Variants in SKOR2 observed in about 807,000 individuals in gnomAD.
SKOR2 encodes SKI family transcriptional corepressor 2.
A neutral mutation model predicts 69.1 loss-of-function variants in SKOR2; 47 were observed. That is an observed-to-expected ratio of 0.68 (90% confidence interval 0.54 to 0.87). SKOR2 has a LOEUF of 0.87. Among genes scored for constraint, SKOR2 ranks in the 40% least tolerant of loss-of-function variants. The pLI, the probability that SKOR2 is intolerant of heterozygous loss-of-function variation, is 0.00. For synonymous variants in SKOR2, 717 were observed against 672.6 expected (o/e 1.07, Z -1.02); for missense variants, 1,404 against 1,472.2 (o/e 0.95, Z 0.76).
At chr18:47,227,898 G>C (rs2064184277) in intron 6 of SKOR2, among the ~76,000 whole-genome samples, 1 of 152,264 alleles carries the variant, frequency 6.6e-6, no homozygotes, top group East Asian at 1.9e-4. Flanking sequence ...GTCGATTTTT[G>C]AGCCTAGATT....
chr18:47,229,667 A>T (rs929824141), intron 6 of SKOR2, among the ~76,000 whole-genome samples: 7 of 152,178 alleles, frequency 4.6e-5, no homozygotes, highest in African/African-American at 1.7e-4. Flanking sequence ...AAGAAAAAAA[A>T]AATAAGTTTG....
intron 3 of SKOR2, 52 bp from the exon 4 acceptor site, chr18:47,245,034 C>A: frequency 6.8e-7 from 1 of 1,470,184 alleles, no homozygotes; most frequent in South Asian, 1.3e-5. Flanking sequence ...TGACAAGAGG[C>A]ACACAAAGAT....
rs1258382421 is a variant in SKOR2, at chr18:47,246,686, A to T, written c.2498T>A (p.Leu833Gln). The T allele has an allele frequency of 5.4e-6, 8 of 1,476,284 alleles. No individual in the cohort carries two copies. The highest frequency in any genetic ancestry group is 7.1e-6 in the Non-Finnish European group (8 of 1,125,648). 91.4% of individuals were successfully genotyped at this position (1,476,284 alleles called of 1,614,324 possible). Residue 833 changes from leucine to glutamine, a missense_variant, in exon 2 of 9, where the codon CTG becomes CAG. Coordinates refer to ENST00000425639, the MANE Select transcript of SKOR2 (RefSeq NM_001278063.4). ...CAGGGGCGGCGGCGGGGGCGGGGGC[A>T]GGTCCGAGCCGGGGTCCCCGAGTTT... ...DGKLGDPGSD[L>Q]PPPPPPPLAP...
At chr18:47,235,344 A>G (rs1240597347) in intron 4 of SKOR2, among the ~76,000 whole-genome samples, 1 of 152,152 alleles carries the variant, frequency 6.6e-6, no homozygotes, top group African/African-American at 2.4e-5. Context: ...TGGGTGACAG[A>G]GTGAGACCCT....
chr18:47,247,599 G>T lies in SKOR2; in HGVS notation c.1585C>A (p.Pro529Thr). 7.9e-7 allele frequency: 1 copy of T among 1,268,648 alleles called. No homozygotes were observed. Among genetic ancestry groups the T allele is most frequent in the South Asian group, 2.7e-5 (1 of 36,442 alleles). The allele number at this position is 1,268,648 out of a possible 1,614,324, so 78.6% of individuals were successfully genotyped here. Residue 529 changes from proline to threonine, a missense_variant, in exon 2 of 9, where the codon CCG becomes ACG. Coordinates refer to ENST00000425639, the MANE Select transcript of SKOR2 (RefSeq NM_001278063.4). The surrounding 1 kb of genome is among the most constrained non-coding windows in gnomAD (Gnocchi z 6.6). ...GCCACTACCTGCGGGGGCTGCCCCG[G>T]CGGGGGCGCGGCCTCGGCGCTCCCA... ...AAGSAEAAPP[P>T]GQPPQVVANG...
At chr18:47,235,609 G>C (rs2064218876) in intron 4 of SKOR2, among the ~76,000 whole-genome samples, 1 of 152,124 alleles carries the variant, frequency 6.6e-6, no homozygotes, top group Non-Finnish European at 1.5e-5. Context: ...TCCAACAGCA[G>C]TGGTTCCACA....
rs553394854 is a variant in SKOR2 at position 47,248,722 on chromosome 18, G to A, written c.462C>T (p.Gly154=). 6.4e-7 allele frequency: 1 copy of A among 1,555,426 alleles called. No individual in the cohort carries two copies. The highest frequency in any genetic ancestry group is 8.6e-7 in the Non-Finnish European group (1 of 1,156,806). Residue 154 remains glycine, a synonymous_variant, in exon 2 of 9, where the codon GGC becomes GGT. Coordinates refer to ENST00000425639, the MANE Select transcript of SKOR2 (RefSeq NM_001278063.4). This position sits in a 1 kb window ranked among gnomAD's most constrained non-coding sequence, Gnocchi z 6.4. ...GCGCGGGAATGAAGCTGCCGCGGCA[G>A]CCCCAGGCGCACTCGTGTGACACGT... ...AFDVSHECAW[G]CRGSFIPARY...
rs534449944 is a variant in SKOR2 at position 47,211,078 on chromosome 18, A to G, written c.*3+1008T>C. 2.2e-4 allele frequency among the ~76,000 whole-genome samples: 34 copies of G among 152,340 alleles called. 1 individual carries two copies. In the South Asian group the frequency reaches 6.6e-3, roughly 30 times the overall value. ...CTACTAATAAAGATAATGGCAAGAA[A>G]AGTCATTTGTACCTGATAGAGGAAA... is the stretch of plus-strand genomic sequence containing the variant. On this transcript the variant is annotated intron_variant, in intron 8 of 8. Transcript: ENST00000425639.
chr18:47,221,895 T>A (rs566875294), intron 6 of SKOR2, among the ~76,000 whole-genome samples: 1 of 152,320 alleles, frequency 6.6e-6, no homozygotes, highest in East Asian at 1.9e-4. Context: ...ACACACAGAA[T>A]TATCCACCAG....
intron 6 of SKOR2, among the ~76,000 whole-genome samples, chr18:47,224,950 A>G (rs1237415212): frequency 2.0e-5 from 3 of 152,082 alleles, no homozygotes; most frequent in African/African-American, 7.2e-5. Context: ...TTTCATAGCC[A>G]TCTTCTACTG....
chr18:47,234,688 C>A (rs2064214002), intron 4 of SKOR2: 1 of 151,980 alleles, frequency 6.6e-6, no homozygotes, highest in Non-Finnish European at 1.5e-5. Flanking sequence ...TGGTGAAACC[C>A]CATCTCTACT....
At position 47,246,672 on chromosome 18, in the gene SKOR2, G is replaced by C. The variant is rs932926761; in HGVS notation, c.2512C>G (p.Pro838Ala). Residue 838 changes from proline (P) to alanine (A), a missense_variant, in exon 2 of 9, where the codon CCG becomes GCG. By Grantham distance (27) the Pro-to-Ala change is conservative (BLOSUM62 -1). Around this residue, in one of 3 missense-constraint regions of SKOR2, gnomAD observed 1,266 missense variants for 1,309.9 expected, o/e 0.97. Transcript: ENST00000425639. ...DPGSDLPPPP[P>A]PPLAPQKASG... ...GCCTTCTGGGGGGCCAGGGGCGGCG[G>C]CGGGGGCGGGGGCAGGTCCGAGCCG... is the stretch of plus-strand genomic sequence containing the variant. 2.0e-6 allele frequency: 3 copies of C among 1,489,638 alleles called. No homozygotes were observed. The highest frequency in any genetic ancestry group is 2.7e-6 in the Non-Finnish European group (3 of 1,128,762). 92.3% of individuals were successfully genotyped at this position (1,489,638 alleles called of 1,614,324 possible).
At chr18:47,216,174 C>T (rs1014812104) in intron 7 of SKOR2, among the ~76,000 whole-genome samples, 1 of 152,114 alleles carries the variant, frequency 6.6e-6, no homozygotes, top group South Asian at 2.1e-4. Context: ...AATGAGAAAT[C>T]CTTTACCCTT....
chr18:47,248,074 G>C lies in SKOR2; in HGVS notation c.1110C>G (p.Ala370=), dbSNP rs2064290318. ...TGCGCGGGCCTTTGGCCCCTGCCCC[G>C]GCACCCGCCCCCGCGCCCGCGCCCA... is the stretch of plus-strand genomic sequence containing the variant. ...VGVGAGAGAG[A]GAGAKGPRSY... Residue 370 remains alanine, a synonymous_variant, in exon 2 of 9, where the codon GCC becomes GCG. Transcript: ENST00000425639. This position sits in a 1 kb window ranked among gnomAD's most constrained non-coding sequence, Gnocchi z 6.4. The C allele has an allele frequency of 2.1e-6, 3 of 1,398,592 alleles. No individual in the cohort carries two copies. The highest frequency in any genetic ancestry group is 2.8e-6 in the Non-Finnish European group (3 of 1,077,356). 86.6% of individuals were successfully genotyped at this position (1,398,592 alleles called of 1,614,324 possible).
intron 7 of SKOR2, among the ~76,000 whole-genome samples, chr18:47,216,967 C>T (rs1179236158): frequency 6.6e-6 from 1 of 152,150 alleles, no homozygotes; most frequent in Non-Finnish European, 1.5e-5. Flanking sequence ...TGATATTTTA[C>T]AATTTCTTGA....
intron 7 of SKOR2, 90 bp downstream of exon 7, chr18:47,219,853 T>C (rs1244289961): frequency 2.6e-6 from 3 of 1,175,046 alleles, no homozygotes; most frequent in Non-Finnish European, 2.4e-6. Flanking sequence ...AAGGATTTCA[T>C]GCAAAAACGT....
chr18:47,212,258 C>T, intron 7 of SKOR2, 107 bp from the exon 8 acceptor site: 1 of 1,071,880 alleles, frequency 9.3e-7, no homozygotes, highest in African/African-American at 1.6e-5. Flanking sequence ...AATAGATCCT[C>T]CCTGAAAAAA....
At chr18:47,244,618 T>C (rs761482850) in intron 4 of SKOR2, among the ~76,000 whole-genome samples, 1 of 152,258 alleles carries the variant, frequency 6.6e-6, no homozygotes, top group Non-Finnish European at 1.5e-5. Context: ...TCCTTTTTAA[T>C]GGAAGGTTTC....
chr18:47,211,886 T>C (rs555309787), intron 8 of SKOR2, among the ~76,000 whole-genome samples, 200 bp downstream of exon 8: 37 of 152,310 alleles, frequency 2.4e-4, no homozygotes, highest in African/African-American at 8.4e-4. Context: ...GAATTTTCCA[T>C]GGAATTTATA....
Sources: gnomAD v4.1 joint callset for allele counts (sites outside exome capture counted in the v4.1 genomes callset) on GRCh38, gnomAD v4.1.1 for gene constraint, gnomAD v4.1.1 regional missense constraint, Gnocchi (gnomAD v3.1) non-coding constraint, MANE v1.5 for transcripts, NCBI Gene and HGNC (gene_info 2026-07-23, HGNC 2026-07-21) for gene names.